The following CDH23 variants were observed in gnomAD, a reference collection of about 807,000 sequenced individuals.
CDH23 encodes the protein cadherin-23.
Under a neutral mutation model 317.1 loss-of-function variants are expected in CDH23, and 189 were observed. The observed-to-expected ratio is 0.60, with a 90% confidence interval of 0.53 to 0.67. The LOEUF (loss-of-function observed/expected upper bound fraction) is 0.67, where lower values mean the gene tolerates loss of function less well. CDH23 is among the 30% of genes least tolerant of loss of function. The pLI, the probability that CDH23 is intolerant of heterozygous loss-of-function variation, is 0.00. For missense variants in CDH23, 4,401 were observed against 4,592.4 expected (o/e 0.96, Z 1.20); for synonymous variants, 1,839 against 1,876.8 (o/e 0.98, Z 0.52).
chr10:71,752,878 C>T, intron 38 of CDH23: 1 of 1,432,638 alleles, frequency 7.0e-7, no homozygotes, highest in Non-Finnish European at 9.6e-7. Flanking sequence ...TGACCAGCTG[C>T]TCTAGGCAGC....
intron 17 of CDH23, among the ~76,000 whole-genome samples, chr10:71,681,962 C>T (rs1434148021): frequency 6.6e-6 from 1 of 152,134 alleles, no homozygotes; most frequent in African/African-American, 2.4e-5. Flanking sequence ...ACAGGGAGGC[C>T]TGGAGGGCCC....
intron 13 of CDH23, 148 bp from the exon 14 acceptor site, chr10:71,646,311 C>T: frequency 4.8e-6 from 6 of 1,255,814 alleles, no homozygotes; most frequent in Non-Finnish European, 6.6e-6. Context: ...AACAGACGGG[C>T]TCGCAGTAGC....
chr10:71,757,978 T>G (rs777031843), intron 38 of CDH23, among the ~76,000 whole-genome samples: 1 of 152,162 alleles, frequency 6.6e-6, no homozygotes, highest in Non-Finnish European at 1.5e-5. Flanking sequence ...TCAGGTTAAC[T>G]TGTACTTTCA....
intron 3 of CDH23, among the ~76,000 whole-genome samples, chr10:71,505,489 G>A (rs1217824909): frequency 2.0e-5 from 3 of 151,898 alleles, no homozygotes; most frequent in Non-Finnish European, 4.4e-5. Context: ...GGCGAGCTCC[G>A]CTTACTGGGG....
intron 14 of CDH23, among the ~76,000 whole-genome samples, chr10:71,673,700 C>G (rs964755979): frequency 6.6e-6 from 1 of 152,242 alleles, no homozygotes; most frequent in African/African-American, 2.4e-5. Context: ...GAACGATGTA[C>G]TGTCTCGATG....
At chr10:71,585,936 A>G (rs1406109019) in intron 9 of CDH23, among the ~76,000 whole-genome samples, 1 of 152,206 alleles carries the variant, frequency 6.6e-6, no homozygotes, top group Non-Finnish European at 1.5e-5. Flanking sequence ...TCACTGAAGC[A>G]CAGTCTAGGA....
chr10:71,605,337 G>A (rs924447158), intron 9 of CDH23, among the ~76,000 whole-genome samples: 7 of 152,184 alleles, frequency 4.6e-5, no homozygotes, highest in African/African-American at 4.8e-5. Flanking sequence ...TCTTCATTGG[G>A]GCGATTGTGC....
At position 71,510,126 on chromosome 10, in the gene CDH23, C is replaced by T. The variant is rs1297166820; in HGVS notation, c.190C>T (p.Pro64Ser). Residue 64 changes from proline (P) to serine (S), a missense_variant, in exon 4 of 70, where the codon CCC (proline) becomes TCC (serine). Pro to Ser is a moderately conservative substitution (Grantham distance 74). Transcript: ENST00000224721. ...QLLAQDMDND[P>S]LVFGVSGEEA... is the part of the protein sequence containing the mutation. ...GCTGGCCCAAGACATGGACAATGAC[C>T]CCCTGGTGTTTGGCGTGTCTGGGGA... is the stretch of plus-strand genomic sequence containing the variant. 3.1e-6 allele frequency: 5 copies of T among 1,613,872 alleles called. No homozygotes were observed. Among genetic ancestry groups the T allele is most frequent in the African/African-American group, 1.3e-5 (1 of 74,930 alleles).
At chr10:71,767,544 T>G (rs1840580129) in intron 38 of CDH23, among the ~76,000 whole-genome samples, 2 of 152,064 alleles carry the variant, frequency 1.3e-5, no homozygotes, top group African/African-American at 4.8e-5. Flanking sequence ...CCAGGCCCCA[T>G]CCCCCAGGAT....
At chr10:71,679,556 A>C (rs1589324997) in intron 17 of CDH23, 64 bp downstream of exon 17, 1 of 1,261,140 alleles carries the variant, frequency 7.9e-7, no homozygotes, top group Middle Eastern at 1.9e-4. Flanking sequence ...CTGCACTCAC[A>C]CCTCCCTTGT....
At chr10:71,651,366 CAAA>C (rs34501770) in intron 14 of CDH23, among the ~76,000 whole-genome samples, 33 of 100,420 alleles carry the variant, frequency 3.3e-4, no homozygotes, top group African/African-American at 1.2e-3. Context: ...CCTGTCTCTG[CAAA>C]AAAAAAAAAA....
At chr10:71,689,018 CAGG>C in intron 19 of CDH23, among the ~76,000 whole-genome samples, 1 of 125,348 alleles carries the variant, frequency 8.0e-6, no homozygotes, top group African/African-American at 2.8e-5. Flanking sequence ...GTGGTGGAGT[CAGG>C]GGTGGTGGAG....
At chr10:71,724,798 G>A (rs1270704931) in intron 29 of CDH23, among the ~76,000 whole-genome samples, 1 of 152,196 alleles carries the variant, frequency 6.6e-6, no homozygotes, top group East Asian at 1.9e-4. Context: ...AAAATGTGCT[G>A]ATCCTCCCAC....
chr10:71,708,744 G>A (rs561196942), intron 26 of CDH23, among the ~76,000 whole-genome samples: 1 of 152,256 alleles, frequency 6.6e-6, no homozygotes, highest in Admixed American at 6.5e-5. Flanking sequence ...GAGCAGAGGG[G>A]TGAAGGATAA....
chr10:71,813,749 A>T (rs1430217056), intron 69 of CDH23, among the ~76,000 whole-genome samples: 3 of 152,160 alleles, frequency 2.0e-5, no homozygotes, highest in Non-Finnish European at 4.4e-5. Flanking sequence ...TGTACTAAAA[A>T]TACAAAAAAT....
chr10:71,721,249 C>T (rs1866542367), intron 28 of CDH23, among the ~76,000 whole-genome samples: 2 of 152,198 alleles, frequency 1.3e-5, no homozygotes, highest in Non-Finnish European at 2.9e-5. Context: ...TGTTACATCC[C>T]TCCACCTGCC....
chr10:71,771,155 GCCTCGGGTCCT>G, intron 38 of CDH23, among the ~76,000 whole-genome samples: 1 of 152,294 alleles, frequency 6.6e-6, no homozygotes, highest in South Asian at 2.1e-4. Flanking sequence ...GACAGTAACT[GCCTCGGGTCCT>G]GGGAATGTCT....
intron 1 of CDH23, among the ~76,000 whole-genome samples, chr10:71,420,524 G>GTAATGGTGA (rs1564568827): frequency 9.8e-5 from 2 of 20,354 alleles, no homozygotes; most frequent in Admixed American, 5.3e-4. Flanking sequence ...GATGGTGAAG[G>GTAATGGTGA]TGATGATGAT....
chr10:71,525,538 A>C (rs547267340), intron 6 of CDH23, among the ~76,000 whole-genome samples: 1 of 152,182 alleles, frequency 6.6e-6, no homozygotes, highest in African/African-American at 2.4e-5. Flanking sequence ...AGGACTAGGG[A>C]GGGTAGCTGG....
Sources: allele counts gnomAD v4.1 joint callset (sites outside exome capture counted in the v4.1 genomes callset), GRCh38; gene constraint gnomAD v4.1.1; transcripts MANE v1.5; gene names NCBI Gene and HGNC (gene_info 2026-07-23, HGNC 2026-07-21).